KDM2A: variants seen among roughly 807,000 people sequenced by gnomAD.
KDM2A encodes lysine demethylase 2A, also known as lysine-specific demethylase 2A.
In KDM2A, 3 loss-of-function variants were observed where a neutral mutation model predicts 137.3. The observed-to-expected ratio is 0.02, with a 90% CI of 0.01 to 0.06. The LOEUF (loss-of-function observed/expected upper bound fraction) is 0.06, where lower values mean the gene tolerates loss of function less well. KDM2A is among the 10% of genes least tolerant of loss of function. The pLI, the probability that KDM2A is intolerant of heterozygous loss-of-function variation, is 1.00. For synonymous variants in KDM2A, 512 were observed against 541.5 expected (o/e 0.95, Z 0.76); for missense variants, 738 against 1,510.6 (o/e 0.49, Z 8.48).
At chr11:67,159,192 A>G (rs566974932) in intron 2 of KDM2A, among the ~76,000 whole-genome samples, 40 of 152,246 alleles carry the variant, frequency 2.6e-4, no homozygotes, top group African/African-American at 9.1e-4. Context: ...AATTTTTCTG[A>G]AAGGCATAAA....
At chr11:67,187,566 T>A (rs534779967) in intron 5 of KDM2A, among the ~76,000 whole-genome samples, 1 of 150,962 alleles carries the variant, frequency 6.6e-6, no homozygotes, top group South Asian at 2.1e-4. Flanking sequence ...ATTTATTTAT[T>A]TATTTATTTA....
chr11:67,237,770 A>ACCACT (rs1858913258), intron 12 of KDM2A, among the ~76,000 whole-genome samples: 1 of 152,096 alleles, frequency 6.6e-6, no homozygotes, highest in African/African-American at 2.4e-5. Context: ...CAACATAGTG[A>ACCACT]GACTCCATCT....
chr11:67,166,224 G>A (rs1590740367), intron 2 of KDM2A, among the ~76,000 whole-genome samples: 1 of 137,262 alleles, frequency 7.3e-6, no homozygotes, highest in South Asian at 2.2e-4. Context: ...TCACTCTATC[G>A]CCTAGGCTGG....
chr11:67,200,887 T>C (rs916596765), intron 5 of KDM2A, among the ~76,000 whole-genome samples: 1 of 152,086 alleles, frequency 6.6e-6, no homozygotes, highest in African/African-American at 2.4e-5. Context: ...AACTTTAGTC[T>C]TATTATTTAA....
intron 6 of KDM2A, among the ~76,000 whole-genome samples, chr11:67,211,710 T>G (rs10896162): frequency 6.6e-6 from 1 of 151,746 alleles, no homozygotes; most frequent in Non-Finnish European, 1.5e-5. Flanking sequence ...TAATCTTCAT[T>G]TCTAAAAACT....
At chr11:67,197,962 A>G (rs1857520952) in intron 5 of KDM2A, among the ~76,000 whole-genome samples, 1 of 150,906 alleles carries the variant, frequency 6.6e-6, no homozygotes, top group African/African-American at 2.4e-5. Flanking sequence ...TATGTTATAC[A>G]TATTATATAC....
chr11:67,189,099 C>T (rs909461796), intron 5 of KDM2A, among the ~76,000 whole-genome samples: 1 of 152,126 alleles, frequency 6.6e-6, no homozygotes, highest in African/African-American at 2.4e-5. Flanking sequence ...TACCTAACAG[C>T]AATAGCATAC....
At chr11:67,194,368 A>G (rs1468911317) in intron 5 of KDM2A, among the ~76,000 whole-genome samples, 4 of 152,210 alleles carry the variant, frequency 2.6e-5, no homozygotes, top group Admixed American at 6.5e-5. Context: ...CAACCTTGGT[A>G]ACTCAGATAA....
At chr11:67,122,365 G>A (rs1855616074) in intron 2 of KDM2A, among the ~76,000 whole-genome samples, 1 of 151,986 alleles carries the variant, frequency 6.6e-6, no homozygotes, top group African/African-American at 2.4e-5. Context: ...TCACTCTGTC[G>A]CCCACGCTTG....
chr11:67,148,745 G>A (rs1400498829), intron 2 of KDM2A, among the ~76,000 whole-genome samples: 1 of 152,130 alleles, frequency 6.6e-6, no homozygotes, highest in Non-Finnish European at 1.5e-5. Context: ...AGGTTGCAGT[G>A]AGCTGAGATC....
intron 5 of KDM2A, among the ~76,000 whole-genome samples, chr11:67,187,848 T>G (rs2136345122): frequency 6.6e-6 from 1 of 152,192 alleles, no homozygotes; most frequent in Admixed American, 6.5e-5. Flanking sequence ...TGCTGGGGAT[T>G]ATAGGCGTGA....
chr11:67,136,470 TG>T (rs1257025882), intron 2 of KDM2A, among the ~76,000 whole-genome samples: 1 of 152,218 alleles, frequency 6.6e-6, no homozygotes, highest in Admixed American at 6.5e-5. Flanking sequence ...AACAAATGTT[TG>T]TTGAGTGCTT....
chr11:67,178,567 G>A (rs1590752063), intron 2 of KDM2A, among the ~76,000 whole-genome samples: 1 of 151,962 alleles, frequency 6.6e-6, no homozygotes, highest in South Asian at 2.1e-4. Flanking sequence ...CTAGCCCCTG[G>A]CAACTATGAA....
chr11:67,213,726 T>C (rs1335931491), intron 6 of KDM2A, among the ~76,000 whole-genome samples: 2 of 146,350 alleles, frequency 1.4e-5, no homozygotes, highest in Non-Finnish European at 3.0e-5. Flanking sequence ...ACCACAACAT[T>C]ATAGCCTGGG....
chr11:67,121,894 A>G (rs1358558221), intron 2 of KDM2A, among the ~76,000 whole-genome samples: 1 of 152,202 alleles, frequency 6.6e-6, no homozygotes, highest in Non-Finnish European at 1.5e-5. Context: ...GGATGCTGAT[A>G]AAGTTCTGTG....
intron 2 of KDM2A, among the ~76,000 whole-genome samples, chr11:67,125,876 G>T (rs1010328635): frequency 6.8e-6 from 1 of 146,574 alleles, no homozygotes; most frequent in East Asian, 2.0e-4. Flanking sequence ...CCGGGAGGCA[G>T]AGGTTGCAGT....
At chr11:67,144,937 C>T (rs771756375) in intron 2 of KDM2A, among the ~76,000 whole-genome samples, 6 of 151,484 alleles carry the variant, frequency 4.0e-5, no homozygotes, top group African/African-American at 4.8e-5. Flanking sequence ...GTGGCGCAAT[C>T]TCAGCTAACT....
chr11:67,181,272 G>T (rs750252227), intron 3 of KDM2A, 48 bp from the exon 4 acceptor site: 1 of 1,274,430 alleles, frequency 7.8e-7, no homozygotes, highest in Non-Finnish European at 1.1e-6. Context: ...TCCTTTTATC[G>T]TTTTTAATTA....
chr11:67,188,406 C>T (rs189164632), intron 5 of KDM2A, among the ~76,000 whole-genome samples: 274 of 150,280 alleles, frequency 1.8e-3, no homozygotes, highest in Non-Finnish European at 3.1e-3. Flanking sequence ...GGCGTGAACC[C>T]GGGAGGTAGA....
Sources: gnomAD v4.1 joint callset for allele counts (sites outside exome capture counted in the v4.1 genomes callset) on GRCh38, gnomAD v4.1.1 for gene constraint, MANE v1.5 for transcripts, NCBI Gene and HGNC (gene_info 2026-07-23, HGNC 2026-07-21) for gene names.